BRAP: variants seen among roughly 807,000 people sequenced by gnomAD.
BRAP encodes the protein BRCA1-associated protein.
A neutral mutation model predicts 73.4 loss-of-function variants in BRAP; 42 were observed. The observed-to-expected ratio is 0.57, with a 90% CI of 0.45 to 0.74. BRAP has a LOEUF of 0.74. BRAP is among the 30% of genes least tolerant of loss of function. The pLI, the probability that BRAP is intolerant of heterozygous loss-of-function variation, is 0.00. For synonymous variants in BRAP, 255 were observed against 267.4 expected, an observed-to-expected ratio of 0.95 and a Z score of 0.45; for missense variants, 593 against 751.4, an observed-to-expected ratio of 0.79 and a Z score of 2.46.
chr12:111,672,633 A>T, intron 5 of BRAP, 28 bp downstream of exon 5: 1 of 1,561,010 alleles, frequency 6.4e-7, no homozygotes, highest in Non-Finnish European at 8.8e-7. Context: ...ATATATTTTA[A>T]TTAAATATAG....
chr12:111,681,007 C>T (rs958859699), intron 3 of BRAP, among the ~76,000 whole-genome samples: 1 of 152,240 alleles, frequency 6.6e-6, no homozygotes, highest in African/African-American at 2.4e-5. Flanking sequence ...CATGAGACTA[C>T]AAAGATGCTG....
chr12:111,683,057 T>C, intron 2 of BRAP, 89 bp downstream of exon 2: 1 of 1,417,664 alleles, frequency 7.1e-7, no homozygotes, highest in Non-Finnish European at 9.6e-7. Context: ...TGCTAGATGT[T>C]GAAATTGTAG....
chr12:111,658,095 C>T (rs906642954), intron 9 of BRAP, among the ~76,000 whole-genome samples: 25 of 151,352 alleles, frequency 1.7e-4, no homozygotes, highest in Non-Finnish European at 3.7e-4. Context: ...TGAACCACCA[C>T]GCCCAGCTAA....
In BRAP at chr12:111,644,483, C is replaced by T. The variant is rs762432701; in HGVS notation, c.1495G>A (p.Ala499Thr). ...TTGTTCTGCAGGAGGACTTGGTTGG[C>T]TCGCAAACACTTGTTCATTTCCTGC... ...EEQEMNKCLRANQVLLQNKLK... is the reference protein window; with the variant it reads ...EEQEMNKCLRTNQVLLQNKLK... The change falls in exon 12 of 12, where the codon GCC (alanine) becomes ACC (threonine). Residue 499 changes from alanine (A) to threonine (T), a missense_variant. By Grantham distance (58) the Ala-to-Thr change is moderately conservative. This residue lies in a region of BRAP where 143 missense variants were observed against 190.4 expected (regional missense o/e 0.75). Transcript: ENST00000419234. 1.9e-6 allele frequency: 3 copies of T among 1,614,124 alleles called. No homozygotes were observed. The highest frequency in any genetic ancestry group is 2.2e-5 in the East Asian group (1 of 44,882).
chr12:111,659,469 CATG>C, intron 7 of BRAP, 124 bp from the exon 8 acceptor site: 1 of 780,396 alleles, frequency 1.3e-6, no homozygotes, highest in Non-Finnish European at 2.0e-6. Context: ...GCCTGGCCAA[CATG>C]ATGAAACCCC....
At chr12:111,653,350 T>C (rs1292299106) in intron 10 of BRAP, among the ~76,000 whole-genome samples, 2 of 152,250 alleles carry the variant, frequency 1.3e-5, no homozygotes, top group African/African-American at 4.8e-5. Flanking sequence ...ATGCTAGTTG[T>C]GGTCCACCAA....
Position 111,681,708 on chromosome 12 carries a change from G to A in BRAP, c.372C>T (p.Asp124=). 6.2e-7 allele frequency: 1 copy of A among 1,614,034 alleles called. No individual in the cohort carries two copies. The highest frequency in any genetic ancestry group is 1.6e-4 in the Middle Eastern group (1 of 6,062). The part of the protein sequence containing the change: ...APDSPSKQLP[D]QISFFSGNPS... ...GATTTCCACTGAAGAATGAAATCTG[G>A]TCTGGAAGCTGTTTGGACGGAGAAT... The change falls in exon 3 of 12, where the codon GAC becomes GAT. Residue 124 remains aspartate, a synonymous_variant. Coordinates refer to ENST00000419234, the MANE Select transcript of BRAP (RefSeq NM_006768.5).
chr12:111,649,857 A>C, intron 11 of BRAP, 82 bp downstream of exon 11: 1 of 970,394 alleles, frequency 1.0e-6, no homozygotes. Context: ...CATATATTTG[A>C]AAATGAGGGT....
At chr12:111,672,572 C>A in intron 5 of BRAP, 89 bp downstream of exon 5, 1 of 1,170,882 alleles carries the variant, frequency 8.5e-7, no homozygotes, top group Non-Finnish European at 1.2e-6. Context: ...ATGGACTGGC[C>A]TATTCTGGGT....
intron 1 of BRAP, among the ~76,000 whole-genome samples, chr12:111,685,046 G>A (rs989768720): frequency 6.6e-6 from 1 of 152,234 alleles, no homozygotes; most frequent in Admixed American, 6.5e-5. Context: ...CCACTAAGGA[G>A]CTTCCTCACT....
intron 5 of BRAP, among the ~76,000 whole-genome samples, chr12:111,669,232 CT>C (rs145945097): frequency 1.8e-3 from 253 of 143,084 alleles, no homozygotes; most frequent in Admixed American, 1.6e-3. Context: ...GCTTCTCTCT[CT>C]TTTTTTTTTT....
Position 111,649,983 on chromosome 12 carries a change from G to T in BRAP, c.1371C>A (p.His457Gln), listed in dbSNP as rs751591653. ...TTTCTTTTAGGAGATCATTTAGTTT[G>T]TGCTCTAGATTATCACACTTCTCAA... ...ETIEKCDNLE[H>Q]KLNDLLKEKQ... Residue 457 changes from histidine (H) to glutamine (Q), a missense_variant, in exon 11 of 12, where the codon CAC (histidine) becomes CAA (glutamine). Coordinates refer to ENST00000419234, the MANE Select transcript of BRAP (RefSeq NM_006768.5). 1 of 1,612,298 alleles carries T rather than the reference G, an allele frequency of 6.2e-7. No individual in the cohort carries two copies. The highest frequency in any genetic ancestry group is 8.5e-7 in the Non-Finnish European group (1 of 1,178,722).
chr12:111,648,513 G>A (rs1029636079), intron 11 of BRAP, among the ~76,000 whole-genome samples: 9 of 144,912 alleles, frequency 6.2e-5, no homozygotes, highest in Non-Finnish European at 1.3e-4. Flanking sequence ...TCGGGAGGCT[G>A]AGGCAGGAGA....
chr12:111,652,266 C>T (rs2135898325), intron 10 of BRAP, among the ~76,000 whole-genome samples: 1 of 152,288 alleles, frequency 6.6e-6, no homozygotes, highest in Non-Finnish European at 1.5e-5. Flanking sequence ...CTCTGTCGCC[C>T]AGGCTGGAGT....
intron 9 of BRAP, among the ~76,000 whole-genome samples, chr12:111,657,028 C>T (rs537296553): frequency 4.6e-5 from 7 of 152,244 alleles, no homozygotes; most frequent in Admixed American, 6.5e-5. Context: ...CATAAGCCAC[C>T]ATGCCTGGCC....
intron 9 of BRAP, among the ~76,000 whole-genome samples, chr12:111,656,068 A>C (rs1161854307): frequency 6.6e-6 from 1 of 152,024 alleles, no homozygotes; most frequent in African/African-American, 2.4e-5. Flanking sequence ...CAGTAACAGC[A>C]CTCAGGACAG....
Position 111,685,837 on chromosome 12 carries a change from G to A in BRAP, c.-45C>T. On this transcript the variant is annotated 5_prime_UTR_variant, in exon 1 of 12. Coordinates refer to ENST00000419234, the MANE Select transcript of BRAP (RefSeq NM_006768.5). ...GCGGGCCCCGGCGGGCTCAGGCGAG[G>A]CTGGAAGGCGAGCCGAGAGGCCGAG... 7.0e-7 allele frequency: 1 copy of A among 1,433,212 alleles called. No individual in the cohort carries two copies. Among genetic ancestry groups the A allele is most frequent in the Non-Finnish European group, 9.2e-7 (1 of 1,090,766 alleles). The allele number at this position is 1,433,212 out of a possible 1,614,324, so 88.8% of individuals were successfully genotyped here. A position where few individuals can be genotyped will look rare whatever the true frequency, so the allele number is the denominator to read the frequency against.
chr12:111,656,051 T>G (rs921318697), intron 9 of BRAP, among the ~76,000 whole-genome samples: 8 of 152,328 alleles, frequency 5.3e-5, no homozygotes, highest in East Asian at 3.9e-4. Flanking sequence ...GATAGCACTG[T>G]GCCTATCAGT....
intron 5 of BRAP, chr12:111,669,982 A>T (rs948783729): frequency 1.5e-6 from 1 of 652,504 alleles, no homozygotes; most frequent in Non-Finnish European, 2.9e-6. Flanking sequence ...TATCCCTTCC[A>T]ATATTCTTCA....
Sources: gnomAD v4.1 joint callset for allele counts (sites outside exome capture counted in the v4.1 genomes callset) on GRCh38, gnomAD v4.1.1 for gene constraint, gnomAD v4.1.1 regional missense constraint, MANE v1.5 for transcripts, NCBI Gene and HGNC (gene_info 2026-07-23, HGNC 2026-07-21) for gene names.